The following GDA variants were observed in gnomAD, a reference collection of about 807,000 sequenced individuals.
The protein encoded by GDA is guanine deaminase.
In GDA, 18 loss-of-function variants were observed where a neutral mutation model predicts 59.6. The ratio of observed to expected loss-of-function variants is 0.30; its 90% CI spans 0.21 to 0.45. The LOEUF is 0.45. GDA is among the 20% of genes least tolerant of loss of function. The probability of loss-of-function intolerance (pLI) is 1.00; values close to 1 mark genes in which losing one functional copy is unlikely to be tolerated. For missense variants in GDA, 427 were observed against 552.3 expected (o/e 0.77, Z 2.27); for synonymous variants, 201 against 201.1 (o/e 1.00, Z 0.00).
chr9:72,253,595 T>C (rs151270938), downstream of GDA: 6 of 152,304 alleles, frequency 3.9e-5, no homozygotes, highest in East Asian at 1.9e-4. Flanking sequence ...ACCAGACTCA[T>C]GCGAGAGGTA....
Position 72,250,282 on chromosome 9 carries a change from T to A in GDA, c.*1940T>A. 1.0e-6 allele frequency: 1 copy of A among 1,003,280 alleles called. No homozygotes were observed. The highest frequency in any genetic ancestry group is 4.3e-5 in the South Asian group (1 of 23,170). The allele number at this position is 1,003,280 out of a possible 1,614,324, so 62.1% of individuals were successfully genotyped here. A position where few individuals can be genotyped will look rare whatever the true frequency, so the allele number is the denominator to read the frequency against. On this transcript the variant is annotated 3_prime_UTR_variant, in exon 14 of 14. Transcript: ENST00000358399. ...GTAGCTGCTTCTAGCATTTGCAAGA[T>A]CCTACACTTTTACCTTCTTTAAGGG...
At chr9:72,162,332 T>G (rs761060547) in intron 1 of GDA, among the ~76,000 whole-genome samples, 1 of 152,154 alleles carries the variant, frequency 6.6e-6, no homozygotes, top group Non-Finnish European at 1.5e-5. Context: ...ATACAGTTTC[T>G]AAAAGGAAAA....
At chr9:72,203,446 G>A (rs1350630486) in intron 3 of GDA, among the ~76,000 whole-genome samples, 1 of 152,196 alleles carries the variant, frequency 6.6e-6, no homozygotes, top group African/African-American at 2.4e-5. Context: ...AACAGTGGCA[G>A]TAGTGTGTAC....
At chr9:72,189,024 T>C (rs1832196777) in intron 1 of GDA, among the ~76,000 whole-genome samples, 1 of 152,156 alleles carries the variant, frequency 6.6e-6, no homozygotes, top group African/African-American at 2.4e-5. Context: ...GGTCCAGGAC[T>C]GTCAATCCTA....
At chr9:72,212,482 A>G (rs752972886) in intron 4 of GDA, among the ~76,000 whole-genome samples, 8 of 144,616 alleles carry the variant, frequency 5.5e-5, no homozygotes, top group Non-Finnish European at 9.2e-5. Flanking sequence ...ACGCCACCTT[A>G]AAAAAAAAAA....
intron 12 of GDA, among the ~76,000 whole-genome samples, chr9:72,246,281 G>A (rs1219664275): frequency 2.6e-5 from 4 of 152,052 alleles, no homozygotes; most frequent in Non-Finnish European, 5.9e-5. Context: ...CCAGGTAGCT[G>A]GGATTACAGG....
chr9:72,253,585 A>C (rs1183898026), downstream of GDA: 1 of 152,172 alleles, frequency 6.6e-6, no homozygotes, highest in Non-Finnish European at 1.5e-5. Flanking sequence ...GTTCTGTCTC[A>C]CCAGACTCAT....
At chr9:72,206,536 G>A (rs933274130) in intron 3 of GDA, among the ~76,000 whole-genome samples, 2 of 152,090 alleles carry the variant, frequency 1.3e-5, no homozygotes, top group African/African-American at 4.8e-5. Flanking sequence ...ACTTTGAGAG[G>A]CCTAGGCGGA....
intron 8 of GDA, among the ~76,000 whole-genome samples, chr9:72,226,105 A>G (rs751792104): frequency 1.3e-5 from 2 of 152,016 alleles, no homozygotes; most frequent in Non-Finnish European, 2.9e-5. Flanking sequence ...TGGGAATGTC[A>G]TTTGGTCCAA....
intron 10 of GDA, among the ~76,000 whole-genome samples, chr9:72,237,763 G>A (rs548443894): frequency 6.6e-6 from 1 of 152,082 alleles, no homozygotes; most frequent in South Asian, 2.1e-4. Flanking sequence ...ATTCATTTTT[G>A]CTAACTGGAA....
chr9:72,144,889 T>C (rs528586055), upstream of GDA, among the ~76,000 whole-genome samples: 30 of 139,282 alleles, frequency 2.2e-4, no homozygotes, highest in East Asian at 5.5e-3. Flanking sequence ...TTGGTGTATC[T>C]TTTTTTTTTT....
At chr9:72,200,197 C>T (rs1248461831) in intron 2 of GDA, among the ~76,000 whole-genome samples, 2 of 151,982 alleles carry the variant, frequency 1.3e-5, no homozygotes, top group South Asian at 4.2e-4. Flanking sequence ...GGGGTTTCAC[C>T]GTGTTAGCCA....
intron 10 of GDA, among the ~76,000 whole-genome samples, chr9:72,240,348 A>C (rs184675067): frequency 7.9e-5 from 12 of 152,232 alleles, no homozygotes; most frequent in African/African-American, 2.9e-4. Flanking sequence ...TTTTTAGTGA[A>C]TAGAACCATG....
intron 8 of GDA, among the ~76,000 whole-genome samples, chr9:72,227,719 T>C (rs1384033115): frequency 6.6e-6 from 1 of 152,204 alleles, no homozygotes; most frequent in Non-Finnish European, 1.5e-5. Flanking sequence ...CTAAGTAAAC[T>C]CCACAAATTT....
intron 1 of GDA, among the ~76,000 whole-genome samples, chr9:72,160,560 A>G (rs919310316): frequency 1.3e-5 from 2 of 152,224 alleles, no homozygotes; most frequent in Non-Finnish European, 2.9e-5. Context: ...ATGTGTCACA[A>G]TTCATTCCTT....
chr9:72,140,832 C>CTAAGGGAAGCAAAGTCTG (rs1432386861), intron 1 of GDA, among the ~76,000 whole-genome samples: 11 of 152,256 alleles, frequency 7.2e-5, no homozygotes, highest in African/African-American at 2.6e-4. Context: ...AGTCTGAGAT[C>CTAAGGGAAGCAAAGTCTG]TAAGGGAAGC....
rs149864951 is a variant in GDA at position 72,135,169 on chromosome 9, T to G, written c.-100+20336T>G. Among the ~76,000 whole-genome samples the G allele has an allele frequency of 8.3e-3, 1,263 of 152,266 alleles. 19 individuals carry two copies. Among genetic ancestry groups the G allele is most frequent in the African/African-American group, 0.029 (1,209 of 41,542 alleles). ...ACATTCTTACAAATAAGTACTTTTT[T>G]TTTTAACCAAAGATGAATTAAAGTA... On this transcript the variant is annotated intron_variant, in intron 1 of 13. Transcript: ENST00000545168.
chr9:72,139,834 A>G (rs1466246830), intron 1 of GDA, among the ~76,000 whole-genome samples: 3 of 152,148 alleles, frequency 2.0e-5, no homozygotes, highest in African/African-American at 7.2e-5. Context: ...TGCAATAACT[A>G]TTTAACTTAC....
At chr9:72,254,415 AAT>A (rs1840840973), downstream of GDA, among the ~76,000 whole-genome samples, 1 of 152,230 alleles carries the variant, frequency 6.6e-6, no homozygotes, top group Admixed American at 6.5e-5. Flanking sequence ...AAAAGTAAAA[AAT>A]AAATGTTTTC....
Sources: allele counts gnomAD v4.1 joint callset (sites outside exome capture counted in the v4.1 genomes callset), GRCh38; gene constraint gnomAD v4.1.1; transcripts MANE v1.5; gene names NCBI Gene and HGNC (gene_info 2026-07-23, HGNC 2026-07-21).